The following KCTD8 variants were observed in gnomAD, a reference collection of about 807,000 sequenced individuals.
The protein encoded by KCTD8 is potassium channel tetramerization domain containing 8.
A neutral mutation model predicts 31.5 loss-of-function variants in KCTD8; 27 were observed. The ratio of observed to expected loss-of-function variants is 0.86; its 90% confidence interval spans 0.63 to 1.18. The LOEUF is 1.18. KCTD8 is among the 50% of genes most tolerant of loss of function. KCTD8 has a pLI of 0.00. For synonymous variants in KCTD8, 290 were observed against 280.0 expected, an observed-to-expected ratio of 1.04 and a Z score of -0.36; for missense variants, 658 against 647.7, an observed-to-expected ratio of 1.02 and a Z score of -0.17.
intron 1 of KCTD8, among the ~76,000 whole-genome samples, chr4:44,430,865 C>A (rs1721485746): frequency 6.6e-6 from 1 of 151,590 alleles, no homozygotes; most frequent in East Asian, 1.9e-4. Context: ...TCCCCACCTC[C>A]CTTGCACTCA....
chr4:44,200,825 A>T (rs762172328), intron 1 of KCTD8, among the ~76,000 whole-genome samples: 26 of 152,116 alleles, frequency 1.7e-4, no homozygotes, highest in Non-Finnish European at 2.8e-4. Context: ...GGTAAGAGAA[A>T]AAAGTAAAAT....
At chr4:44,258,389 T>C (rs1716060145) in intron 1 of KCTD8, among the ~76,000 whole-genome samples, 1 of 151,984 alleles carries the variant, frequency 6.6e-6, no homozygotes, top group South Asian at 2.1e-4. Flanking sequence ...GAAAATTACA[T>C]CTCAATAAAG....
At chr4:44,307,530 T>C (rs751473002) in intron 1 of KCTD8, among the ~76,000 whole-genome samples, 41 of 152,040 alleles carry the variant, frequency 2.7e-4, no homozygotes, top group Non-Finnish European at 7.4e-5. Context: ...AAATTATAAA[T>C]ATATTTACTG....
chr4:44,330,262 A>G (rs1718562745), intron 1 of KCTD8, among the ~76,000 whole-genome samples: 1 of 151,922 alleles, frequency 6.6e-6, no homozygotes, highest in Admixed American at 6.6e-5. Flanking sequence ...ATCGCACTTA[A>G]TGAAAATTAT....
chr4:44,372,674 A>C (rs1286680970), intron 1 of KCTD8, among the ~76,000 whole-genome samples: 2 of 152,190 alleles, frequency 1.3e-5, no homozygotes, highest in Non-Finnish European at 2.9e-5. Context: ...TTAAAAAAAC[A>C]TACTTCACTC....
intron 1 of KCTD8, among the ~76,000 whole-genome samples, chr4:44,241,928 T>TA (rs1715467358): frequency 6.6e-6 from 1 of 152,242 alleles, no homozygotes; most frequent in Non-Finnish European, 1.5e-5. Flanking sequence ...TAATAATAAA[T>TA]AAAAAAGTGT....
At chr4:44,365,095 T>C (rs1323365274) in intron 1 of KCTD8, among the ~76,000 whole-genome samples, 4 of 152,148 alleles carry the variant, frequency 2.6e-5, no homozygotes, top group African/African-American at 9.7e-5. Context: ...GTTTTAATAT[T>C]GGTTAATCAG....
In KCTD8 at chr4:44,448,764, G is replaced by A. The variant is rs1025151753; in HGVS notation, c.-241C>T. ...GCCGGTGCGGCGGCGGCAATGGAGA[G>A]GCAAGAAGGAGCTGCTGCTCCTTTG... On this transcript the variant is annotated 5_prime_UTR_variant, in exon 1 of 2. Coordinates refer to ENST00000360029, the MANE Select transcript of KCTD8 (RefSeq NM_198353.3). This position sits in a 1 kb window ranked among gnomAD's most constrained non-coding sequence, Gnocchi z 4.1. The A allele has an allele frequency of 5.3e-5, 20 of 377,732 alleles. No homozygotes were observed. The highest frequency in any genetic ancestry group is 2.3e-4 in the African/African-American group (11 of 47,732). The allele number at this position is 377,732 out of a possible 1,614,324, so 23.4% of individuals were successfully genotyped here.
chr4:44,436,690 G>A (rs1721656280), intron 1 of KCTD8, among the ~76,000 whole-genome samples: 3 of 152,024 alleles, frequency 2.0e-5, no homozygotes, highest in Admixed American at 6.6e-5. Flanking sequence ...CAGACATGAA[G>A]TGATGCTTTG....
intron 1 of KCTD8, among the ~76,000 whole-genome samples, chr4:44,235,536 T>TATAC (rs1422347987): frequency 1.7e-4 from 1 of 5,750 alleles, no homozygotes; most frequent in East Asian, 7.5e-3. Flanking sequence ...TATATATATA[T>TATAC]ATATATATAT....
intron 1 of KCTD8, among the ~76,000 whole-genome samples, chr4:44,219,873 T>C (rs922615675): frequency 6.6e-6 from 1 of 152,218 alleles, no homozygotes; most frequent in Non-Finnish European, 1.5e-5. Context: ...AGAATGAAGT[T>C]AGGATAATCT....
intron 1 of KCTD8, among the ~76,000 whole-genome samples, chr4:44,404,462 G>A (rs1398440692): frequency 6.6e-6 from 1 of 152,094 alleles, no homozygotes; most frequent in Non-Finnish European, 1.5e-5. Flanking sequence ...CTTGCCAAGA[G>A]AACAACTAAA....
chr4:44,375,775 G>C (rs933662736), intron 1 of KCTD8, among the ~76,000 whole-genome samples: 1 of 152,270 alleles, frequency 6.6e-6, no homozygotes, highest in Admixed American at 6.5e-5. Flanking sequence ...AGGTTTGTCA[G>C]TCATGACAAC....
At chr4:44,268,659 CA>C (rs1276947024) in intron 1 of KCTD8, among the ~76,000 whole-genome samples, 5 of 152,124 alleles carry the variant, frequency 3.3e-5, no homozygotes, top group Non-Finnish European at 7.3e-5. Flanking sequence ...TGTCTCAGCC[CA>C]AAAACTCCTT....
intron 1 of KCTD8, among the ~76,000 whole-genome samples, chr4:44,208,035 G>A (rs933610989): frequency 6.6e-6 from 1 of 152,162 alleles, no homozygotes; most frequent in Non-Finnish European, 1.5e-5. Flanking sequence ...CAAGAGAGAA[G>A]TGCTGAAGAA....
At chr4:44,421,091 A>T (rs1434412254) in intron 1 of KCTD8, among the ~76,000 whole-genome samples, 1 of 152,166 alleles carries the variant, frequency 6.6e-6, no homozygotes, top group Non-Finnish European at 1.5e-5. Flanking sequence ...TGACTGAAAC[A>T]GCATAAGTGG....
intron 1 of KCTD8, among the ~76,000 whole-genome samples, chr4:44,341,124 T>C (rs138565031): frequency 2.0e-4 from 31 of 152,328 alleles, no homozygotes; most frequent in African/African-American, 7.0e-4. Flanking sequence ...ATTAATGTTA[T>C]TATTTATACT....
intron 1 of KCTD8, among the ~76,000 whole-genome samples, chr4:44,360,286 T>C (rs755866728): frequency 2.0e-5 from 3 of 152,034 alleles, no homozygotes; most frequent in Non-Finnish European, 4.4e-5. Flanking sequence ...ACTCCTGGCT[T>C]CAAATAAAAG....
chr4:44,264,074 C>T (rs1457960389), intron 1 of KCTD8, among the ~76,000 whole-genome samples: 1 of 152,144 alleles, frequency 6.6e-6, no homozygotes, highest in Non-Finnish European at 1.5e-5. Flanking sequence ...ATATCAGCTT[C>T]TATCTCAAGG....
Sources: gnomAD v4.1 joint callset for allele counts (sites outside exome capture counted in the v4.1 genomes callset) on GRCh38, gnomAD v4.1.1 for gene constraint, Gnocchi (gnomAD v3.1) non-coding constraint, MANE v1.5 for transcripts, NCBI Gene and HGNC (gene_info 2026-07-23, HGNC 2026-07-21) for gene names.